The following TMCO6 variants were observed in gnomAD, a reference collection of about 807,000 sequenced individuals.
TMCO6 encodes transmembrane and coiled-coil domain-containing protein 6.
Under a neutral mutation model 61.8 loss-of-function variants are expected in TMCO6, and 47 were observed. The ratio of observed to expected loss-of-function variants is 0.76; its 90% CI spans 0.60 to 0.97. The LOEUF (loss-of-function observed/expected upper bound fraction) is 0.97. Ranked by LOEUF, TMCO6 falls within the 50% of genes least tolerant of loss-of-function variation. TMCO6 has a pLI of 0.00. For synonymous variants in TMCO6, 261 were observed against 254.2 expected (o/e 1.03, Z -0.25); for missense variants, 557 against 601.6 (o/e 0.93, Z 0.78).
the TMCO6 span, among the ~76,000 whole-genome samples, chr5:140,630,225 C>T: frequency 2.6e-5 from 4 of 151,958 alleles, no homozygotes; most frequent in African/African-American, 9.7e-5. Flanking sequence ...ATCTCTTGAC[C>T]TCGTGATCCG....
chr5:140,632,837 G>A, the TMCO6 span: 1 of 1,614,044 alleles, frequency 6.2e-7, no homozygotes, highest in Non-Finnish European at 8.5e-7. The surrounding 1 kb of genome is among the most constrained non-coding windows in gnomAD (Gnocchi z 6.2). Flanking sequence ...ACACACACTG[G>A]AAGGCTTCGG....
the TMCO6 span, chr5:140,631,754 G>T: frequency 9.2e-7 from 1 of 1,087,576 alleles, no homozygotes; most frequent in East Asian, 2.4e-5. Flanking sequence ...TTTTAATAAA[G>T]GTGGGGCAAA....
At chr5:140,637,857 C>T (rs1473076143), upstream of TMCO6, among the ~76,000 whole-genome samples, 4 of 151,314 alleles carry the variant, frequency 2.6e-5, no homozygotes, top group African/African-American at 9.7e-5. Context: ...CCCCCCACCG[C>T]CCCACTTCGA....
At chr5:140,632,653 G>A in the TMCO6 span, 5 of 1,613,678 alleles carry the variant, frequency 3.1e-6, no homozygotes, top group Middle Eastern at 6.6e-4. The surrounding 1 kb of genome is among the most constrained non-coding windows in gnomAD (Gnocchi z 6.2). Context: ...GCTAGCACAC[G>A]CAGGGCGCCT....
At position 140,642,569 on chromosome 5, in the gene TMCO6, ACC is replaced by A; in HGVS notation, c.604-15_604-14del. The A allele has an allele frequency of 6.2e-7, 1 of 1,613,924 alleles. No homozygotes were observed. ...TGACCCAGCTTCCAGTCAGATCCTT[ACC>A]CTGTCTACTTCCAGTCCCCCCATGT... On this transcript the variant is annotated splice_polypyrimidine_tract_variant and intron_variant, in intron 5 of 11. Coordinates refer to ENST00000394671, the MANE Select transcript of TMCO6 (RefSeq NM_018502.5).
the TMCO6 span, chr5:140,633,338 C>G: frequency 1.7e-6 from 1 of 588,766 alleles, no homozygotes; most frequent in South Asian, 1.9e-5. Context: ...GGGACCGTAA[C>G]AGGAAGGATT....
the TMCO6 span, among the ~76,000 whole-genome samples, chr5:140,597,619 A>C: frequency 1.3e-5 from 2 of 152,194 alleles, no homozygotes; most frequent in Non-Finnish European, 2.9e-5. Flanking sequence ...TTATACCCAA[A>C]CTTTTCTACC....
the TMCO6 span, among the ~76,000 whole-genome samples, chr5:140,624,856 CTTTT>C: frequency 3.2e-5 from 1 of 31,708 alleles, no homozygotes; most frequent in African/African-American, 1.8e-4. Context: ...TTCTTTCTTT[CTTTT>C]TTTTTTTTTT....
At chr5:140,637,831 A>G (rs930235653), upstream of TMCO6, among the ~76,000 whole-genome samples, 2 of 152,092 alleles carry the variant, frequency 1.3e-5, no homozygotes, top group Non-Finnish European at 2.9e-5. Flanking sequence ...TTTAAAATCT[A>G]CCTATAAGCT....
At chr5:140,622,107 T>G in the TMCO6 span, among the ~76,000 whole-genome samples, 1 of 152,144 alleles carries the variant, frequency 6.6e-6, no homozygotes, top group Non-Finnish European at 1.5e-5. Context: ...GCACACTCCC[T>G]CTCCTTTTGA....
intron 2 of TMCO6, among the ~76,000 whole-genome samples, chr5:140,640,200 G>C (rs947850379): frequency 2.0e-5 from 3 of 152,092 alleles, no homozygotes; most frequent in African/African-American, 7.2e-5. Context: ...AAAACACGTG[G>C]AGACCAAAAT....
In TMCO6 at chr5:140,643,952, T is replaced by C. The variant is rs1398679165; in HGVS notation, c.1091T>C (p.Leu364Pro). The C allele has an allele frequency of 6.2e-7, 1 of 1,614,070 alleles. No homozygotes were observed. Among genetic ancestry groups the C allele is most frequent in the Non-Finnish European group, 8.5e-7 (1 of 1,180,038 alleles). Residue 364 changes from leucine (L) to proline (P), a missense_variant, in exon 9 of 12, where the codon CTC (leucine) becomes CCC (proline). Physicochemically the swap from Leu to Pro is moderately conservative, Grantham distance 98. Coordinates refer to ENST00000394671, the MANE Select transcript of TMCO6 (RefSeq NM_018502.5). ...PSLLPEGLWL[L>P]NNLTANSPSF... ...CTGCTCCCTGAGGGCCTTTGGCTCC[T>C]CAACAACCTCACTGGTACGCACCAT...
At position 140,643,257 on chromosome 5, in the gene TMCO6, T is replaced by C. The variant is rs564676085; in HGVS notation, c.806+216T>C. 436 of 689,106 alleles carry C rather than the reference T, an allele frequency of 6.3e-4. 2 individuals are homozygous for C. In the African/African-American group the frequency reaches 7.3e-3, roughly 12 times the overall value. The allele number at this position is 689,106 out of a possible 1,614,324, so 42.7% of individuals were successfully genotyped here. ...ACCCAGGCTGGATGGAGTACAGTGG[T>C]GCGATCTCAGCTCACTGCAACCTCT... On this transcript the variant is annotated intron_variant, in intron 7 of 11. Transcript: ENST00000394671.
chr5:140,644,053 G>A (rs555669166), intron 9 of TMCO6, 47 bp from the exon 10 acceptor site: 1 of 1,613,232 alleles, frequency 6.2e-7, no homozygotes, highest in Admixed American at 1.7e-5. Context: ...AGTATTGACA[G>A]GGGTGGTGGG....
chr5:140,634,035 G>A, the TMCO6 span, among the ~76,000 whole-genome samples: 2 of 152,098 alleles, frequency 1.3e-5, no homozygotes, highest in East Asian at 1.9e-4. Flanking sequence ...TGATCCACCC[G>A]CCTCGGCCTC....
upstream of TMCO6, chr5:140,639,214 C>G (rs1756861609): frequency 3.2e-6 from 1 of 317,186 alleles, no homozygotes; most frequent in African/African-American, 2.3e-5. Context: ...TGTGACACTG[C>G]TGGCTTGGGT....
At chr5:140,647,054 C>T (rs761979604), downstream of TMCO6, 21 of 607,874 alleles carry the variant, frequency 3.5e-5, no homozygotes, top group Non-Finnish European at 5.4e-5. Context: ...TTCGGTCAGC[C>T]TGCATACTTA....
chr5:140,613,920 A>T, the TMCO6 span, among the ~76,000 whole-genome samples: 1 of 149,752 alleles, frequency 6.7e-6, no homozygotes, highest in East Asian at 2.0e-4. Context: ...TTGTTTTGAG[A>T]AGGAGTCTCA....
At chr5:140,647,086 T>C (rs1320698970), downstream of TMCO6, 4 of 749,158 alleles carry the variant, frequency 5.3e-6, no homozygotes, top group Admixed American at 1.3e-4. Context: ...ATACAACGCA[T>C]CATATAACCC....
Sources: allele counts gnomAD v4.1 joint callset (sites outside exome capture counted in the v4.1 genomes callset), GRCh38; gene constraint gnomAD v4.1.1; non-coding constraint Gnocchi (gnomAD v3.1); transcripts MANE v1.5; gene names NCBI Gene and HGNC (gene_info 2026-07-23, HGNC 2026-07-21).